TRIM33: variants seen among roughly 807,000 people sequenced by gnomAD.
The protein encoded by TRIM33 is E3 ubiquitin-protein ligase TRIM33.
A neutral mutation model predicts 125.4 loss-of-function variants in TRIM33; 20 were observed. That is an observed-to-expected ratio of 0.16 (90% CI 0.11 to 0.23). The LOEUF (loss-of-function observed/expected upper bound fraction) is 0.23. Among genes scored for constraint, TRIM33 ranks in the 10% least tolerant of loss-of-function variants. The pLI, the probability that TRIM33 is intolerant of heterozygous loss-of-function variation, is 1.00. For synonymous variants in TRIM33, 564 were observed against 513.9 expected (o/e 1.10, Z -1.32); for missense variants, 920 against 1,411.4 (o/e 0.65, Z 5.58).
chr1:114,510,755 C>G lies in TRIM33; in HGVS notation c.322G>C (p.Gly108Arg). The G allele has an allele frequency of 1.3e-6, 2 of 1,524,102 alleles. No homozygotes were observed. The highest frequency in any genetic ancestry group is 1.8e-6 in the Non-Finnish European group (2 of 1,140,970). 94.4% of individuals were successfully genotyped at this position (1,524,102 alleles called of 1,614,324 possible). A position where few individuals can be genotyped will look rare whatever the true frequency, so the allele number is the denominator to read the frequency against. Residue 108 changes from glycine to arginine, a missense_variant, in exon 1 of 20, where the codon GGT becomes CGT. Physicochemically the swap from Gly to Arg is moderately radical, Grantham distance 125 (BLOSUM62 -2). Transcript: ENST00000358465. ...APAPASAPAPGPSAGPPPGPP... is the reference protein window; with the variant it reads ...APAPASAPAPRPSAGPPPGPP... ...CCAGGAGGCGGCCCTGCCGAGGGAC[C>G]CGGAGCGGGAGCCGAGGCTGGAGCT...
In TRIM33 at chr1:114,511,114, CCCGCCGCCCGCGTCGCCG is replaced by C. The variant is rs1031067208; in HGVS notation, c.-56_-39del. On this transcript the variant is annotated 5_prime_UTR_variant, in exon 1 of 20. Coordinates refer to ENST00000358465, the MANE Select transcript of TRIM33 (RefSeq NM_015906.4). ...GAACCCGCCGGACCGCCCCGCGCCGCCCGCCGCCCGCGTCGCCGCCGCCGCCGCCCCCAGCCCCAGCCG... is the reference window on the plus strand; with the variant it reads ...GAACCCGCCGGACCGCCCCGCGCCGCCCGCCGCCGCCCCCAGCCCCAGCCG... 3.5e-6 allele frequency: 4 copies of C among 1,133,738 alleles called. No homozygotes were observed. Among genetic ancestry groups the C allele is most frequent in the Non-Finnish European group, 4.3e-6 (4 of 928,588 alleles). 70.2% of individuals were successfully genotyped at this position (1,133,738 alleles called of 1,614,324 possible).
Position 114,510,882 on chromosome 1 carries a change from C to G in TRIM33, c.195G>C (p.Gly65=), listed in dbSNP as rs1030825148. Residue 65 remains glycine (G), a synonymous_variant, in exon 1 of 20, where the codon GGG becomes GGC. Coordinates refer to ENST00000358465, the MANE Select transcript of TRIM33 (RefSeq NM_015906.4). ...AEGGAAGPDD[G]GVAAASSGSA... is the part of the protein sequence containing the mutation. ...AGCCCGAGGAGGCCGCGGCCACCCC[C>G]CCGTCGTCGGGCCCGGCCGCGCCGC... 9 of 1,451,780 alleles carry G rather than the reference C, an allele frequency of 6.2e-6. No individual in the cohort carries two copies. Among genetic ancestry groups the G allele is most frequent in the Non-Finnish European group, 5.4e-6 (6 of 1,109,230 alleles). The allele number at this position is 1,451,780 out of a possible 1,614,324, so 89.9% of individuals were successfully genotyped here. A position where few individuals can be genotyped will look rare whatever the true frequency, so the allele number is the denominator to read the frequency against.
At chr1:114,492,115 C>T (rs536187600) in intron 1 of TRIM33, among the ~76,000 whole-genome samples, 8 of 152,156 alleles carry the variant, frequency 5.3e-5, no homozygotes, top group South Asian at 4.2e-4. Flanking sequence ...GTGAATTGGG[C>T]GAGTCAAATT....
At chr1:114,413,020 A>G (rs1305208720) in intron 11 of TRIM33, among the ~76,000 whole-genome samples, 2 of 152,222 alleles carry the variant, frequency 1.3e-5, no homozygotes, top group African/African-American at 4.8e-5. Context: ...GCTATGGTTA[A>G]TGTTAAGTCT....
At chr1:114,405,831 G>T in intron 14 of TRIM33, 72 bp from the exon 15 acceptor site, 1 of 1,302,540 alleles carries the variant, frequency 7.7e-7, no homozygotes, top group Non-Finnish European at 1.1e-6. Context: ...GTATTTAACA[G>T]TTATGTGAAT....
chr1:114,462,699 C>T (rs1041414273), intron 4 of TRIM33, among the ~76,000 whole-genome samples: 1 of 152,100 alleles, frequency 6.6e-6, no homozygotes, highest in African/African-American at 2.4e-5. Context: ...AAATCCCTAG[C>T]TTTTCTACAA....
intron 1 of TRIM33, among the ~76,000 whole-genome samples, chr1:114,478,653 G>T (rs1469187695): frequency 6.6e-6 from 1 of 152,134 alleles, no homozygotes; most frequent in Non-Finnish European, 1.5e-5. Flanking sequence ...ATATGGCAAA[G>T]CCTCAACAAA....
intron 11 of TRIM33, among the ~76,000 whole-genome samples, chr1:114,412,371 A>T (rs1652649655): frequency 6.6e-6 from 1 of 152,240 alleles, no homozygotes; most frequent in Non-Finnish European, 1.5e-5. Flanking sequence ...GGTATAAATG[A>T]TGTACAATAA....
intron 1 of TRIM33, among the ~76,000 whole-genome samples, chr1:114,469,734 G>A (rs1650523310): frequency 6.6e-6 from 1 of 152,186 alleles, no homozygotes; most frequent in South Asian, 2.1e-4. Flanking sequence ...ATTAGCATGA[G>A]CGTGGGGAAC....
intron 4 of TRIM33, among the ~76,000 whole-genome samples, chr1:114,434,901 C>T (rs1648183516): frequency 6.6e-6 from 1 of 152,110 alleles, no homozygotes; most frequent in Non-Finnish European, 1.5e-5. Flanking sequence ...GTAAATACTT[C>T]AATATGGCCA....
At chr1:114,411,798 G>A (rs938975033) in intron 11 of TRIM33, among the ~76,000 whole-genome samples, 1 of 152,196 alleles carries the variant, frequency 6.6e-6, no homozygotes, top group African/African-American at 2.4e-5. Context: ...GCATTCACCT[G>A]TGGGTTTCAC....
Position 114,397,581 on chromosome 1 carries a change from T to A in TRIM33, c.*67A>T, listed in dbSNP as rs951969258. The A allele has an allele frequency of 4.9e-6, 6 of 1,234,042 alleles. No homozygotes were observed. Among genetic ancestry groups the A allele is most frequent in the South Asian group, 1.4e-5 (1 of 72,762 alleles). 76.4% of individuals were successfully genotyped at this position (1,234,042 alleles called of 1,614,324 possible). On this transcript the variant is annotated 3_prime_UTR_variant, in exon 20 of 20. Transcript: ENST00000358465. ...CAGCAACACTTAAAAGTTTTCTGGG[T>A]TTTTTGTGTTTTTTTTTTTTTTTTC... is the stretch of plus-strand genomic sequence containing the variant.
At chr1:114,467,630 G>A (rs1650384450) in intron 1 of TRIM33, among the ~76,000 whole-genome samples, 1 of 152,124 alleles carries the variant, frequency 6.6e-6, no homozygotes, top group Non-Finnish European at 1.5e-5. Context: ...TTACATCAAA[G>A]GCCAGGACAC....
At chr1:114,425,839 C>T (rs74113175) in intron 8 of TRIM33, 116 bp from the exon 9 acceptor site, 27,076 of 682,410 alleles carry the variant, frequency 0.04, 685 homozygotes, top group South Asian at 0.069. Flanking sequence ...AAAGCTCCAA[C>T]AGTACAGCAG....
intron 4 of TRIM33, among the ~76,000 whole-genome samples, chr1:114,440,077 A>G (rs77548012): frequency 1.6e-3 from 248 of 152,320 alleles, no homozygotes; most frequent in Non-Finnish European, 3.0e-3. Flanking sequence ...TGACCTTAAC[A>G]TAAGGGTATA....
At position 114,444,121 on chromosome 1, in the gene TRIM33, G is replaced by A. The variant is rs149472753; in HGVS notation, c.924-10388C>T. Reference sequence around the variant, plus strand: ...ATAACTGGAACAGGGGGCTAGAGGCGAAGTAGAGCAGAGGCAAAAATCACG... The same window carrying A: ...ATAACTGGAACAGGGGGCTAGAGGCAAAGTAGAGCAGAGGCAAAAATCACG... On this transcript the variant is annotated intron_variant, in intron 4 of 19. Transcript: ENST00000358465. 1.9e-3 allele frequency among the ~76,000 whole-genome samples: 288 copies of A among 152,316 alleles called. 1 individual carries two copies. In the Middle Eastern group the frequency reaches 0.031, roughly 16 times the overall value.
At chr1:114,451,030 T>C (rs571194523) in intron 4 of TRIM33, among the ~76,000 whole-genome samples, 2 of 152,178 alleles carry the variant, frequency 1.3e-5, no homozygotes, top group African/African-American at 4.8e-5. Flanking sequence ...GAAGGGACAG[T>C]GAAATGAAAA....
rs1020313319 is a variant in TRIM33 at position 114,402,635 on chromosome 1, C to A, written c.2892+125G>T. On this transcript the variant is annotated intron_variant, in intron 16 of 19. Transcript: ENST00000358465. Reference sequence around the variant, plus strand: ...ACTTCAGAAATCATCAATATACCATCAGATGACAGGATTAAAAATTAAATG... The same window carrying A: ...ACTTCAGAAATCATCAATATACCATAAGATGACAGGATTAAAAATTAAATG... The A allele has an allele frequency of 1.1e-5, 12 of 1,106,340 alleles. No individual in the cohort carries two copies. The African/African-American group carries it at 1.7e-4, about 16-fold the overall frequency. The allele number at this position is 1,106,340 out of a possible 1,614,324, so 68.5% of individuals were successfully genotyped here.
intron 1 of TRIM33, among the ~76,000 whole-genome samples, chr1:114,470,080 T>C (rs1262994685): frequency 6.6e-6 from 1 of 152,196 alleles, no homozygotes; most frequent in Non-Finnish European, 1.5e-5. Flanking sequence ...CGAAGAACAC[T>C]AATATCTTAT....
Sources: gnomAD v4.1 joint callset for allele counts (sites outside exome capture counted in the v4.1 genomes callset) on GRCh38, gnomAD v4.1.1 for gene constraint, MANE v1.5 for transcripts, NCBI Gene and HGNC (gene_info 2026-07-23, HGNC 2026-07-21) for gene names.